The following DIAPH1 variants were observed in gnomAD, a reference collection of about 807,000 sequenced individuals.
DIAPH1 encodes the protein protein diaphanous homolog 1.
Under a neutral mutation model 140.7 loss-of-function variants are expected in DIAPH1, and 46 were observed. The observed-to-expected ratio is 0.33, with a 90% CI of 0.26 to 0.42. The LOEUF (loss-of-function observed/expected upper bound fraction) is 0.42. Ranked by LOEUF, DIAPH1 falls within the 10% of genes least tolerant of loss-of-function variation. The probability of loss-of-function intolerance (pLI) is 1.00; values close to 1 mark genes in which losing one functional copy is unlikely to be tolerated. For synonymous variants in DIAPH1, 565 were observed against 551.6 expected, an observed-to-expected ratio of 1.02 and a Z score of -0.34; for missense variants, 1,310 against 1,558.7, an observed-to-expected ratio of 0.84 and a Z score of 2.69.
At chr5:141,549,214 G>T (rs889795121) in intron 18 of DIAPH1, among the ~76,000 whole-genome samples, 61 of 152,206 alleles carry the variant, frequency 4.0e-4, no homozygotes, top group African/African-American at 1.4e-3. Context: ...GGAAGAAGAT[G>T]TACTAATCAA....
At chr5:141,546,276 G>T (rs977873245) in intron 18 of DIAPH1, among the ~76,000 whole-genome samples, 2 of 151,850 alleles carry the variant, frequency 1.3e-5, no homozygotes, top group Non-Finnish European at 2.9e-5. Context: ...CAGCTACTCG[G>T]GAGGCTGAGG....
At chr5:141,592,007 G>A (rs1596397156) in intron 1 of DIAPH1, among the ~76,000 whole-genome samples, 2 of 150,184 alleles carry the variant, frequency 1.3e-5, no homozygotes, top group South Asian at 4.2e-4. Context: ...ACTTGAACCC[G>A]GGAGGCGGAG....
chr5:141,537,982 C>T (rs2099889318), intron 18 of DIAPH1, among the ~76,000 whole-genome samples: 1 of 152,020 alleles, frequency 6.6e-6, no homozygotes, highest in Non-Finnish European at 1.5e-5. Flanking sequence ...TCCTCAACCT[C>T]CTGAGCTCAA....
In DIAPH1 at chr5:141,529,190, T is replaced by G; in HGVS notation, c.2760A>C (p.Ser920=). 6.2e-7 allele frequency: 1 copy of G among 1,614,224 alleles called. No homozygotes were observed. The highest frequency in any genetic ancestry group is 8.5e-7 in the Non-Finnish European group (1 of 1,180,024). The change falls in exon 21 of 28, where the codon TCA becomes TCC. Residue 920 remains serine (S), a synonymous_variant. Transcript: ENST00000389054. ...CACTCACCACCACGCCAAACTGCTC[T>G]GACTCAGCCAGGTCATCATATTCAT... ...LKDEYDDLAE[S]EQFGVVMGTV...
At chr5:141,584,056 C>G (rs1178146360) in intron 4 of DIAPH1, 68 bp downstream of exon 4, 86 of 830,770 alleles carry the variant, frequency 1.0e-4, no homozygotes, top group Non-Finnish European at 9.4e-5. Flanking sequence ...ATAAAATTGG[C>G]AAAAAAAAAA....
intron 18 of DIAPH1, chr5:141,535,949 A>G (rs1458101688): frequency 1.1e-5 from 5 of 458,276 alleles, no homozygotes; most frequent in African/African-American, 1.0e-4. Context: ...CCTGGTACAA[A>G]TAAACAAGAA....
At chr5:141,524,006 A>T (rs1384576953) in intron 27 of DIAPH1, 137 bp downstream of exon 27, 4 of 798,124 alleles carry the variant, frequency 5.0e-6, no homozygotes, top group Non-Finnish European at 8.9e-6. Context: ...GAAGAAGAGG[A>T]CTAGATAATC....
intron 18 of DIAPH1, among the ~76,000 whole-genome samples, chr5:141,570,405 T>A (rs1201881992): frequency 2.0e-5 from 3 of 152,152 alleles, no homozygotes; most frequent in Admixed American, 1.3e-4. Flanking sequence ...GACTTTGGCA[T>A]GGAAGGTGAC....
chr5:141,615,556 A>G (rs970574946), intron 1 of DIAPH1, among the ~76,000 whole-genome samples: 4 of 151,952 alleles, frequency 2.6e-5, no homozygotes, highest in Non-Finnish European at 5.9e-5. Context: ...CCTGGCTAAC[A>G]CGGTGAAACC....
At chr5:141,597,488 C>T (rs192833366) in intron 1 of DIAPH1, among the ~76,000 whole-genome samples, 5 of 152,174 alleles carry the variant, frequency 3.3e-5, no homozygotes, top group Admixed American at 2.0e-4. Flanking sequence ...TCCCATATAC[C>T]GCAGGAAGCT....
In DIAPH1 at chr5:141,576,648, C is replaced by T. The variant is rs1322361695; in HGVS notation, c.1396+108G>A. ...GACCTAAGAAAGGACAAAAATAGAA[C>T]TATCTGGGGACTGGAAAGGTATCTT... On this transcript the variant is annotated intron_variant, in intron 13 of 27. Coordinates refer to ENST00000389054, the MANE Select transcript of DIAPH1 (RefSeq NM_005219.5). 4.9e-6 allele frequency: 4 copies of T among 815,486 alleles called. No individual in the cohort carries two copies. The African/African-American group carries it at 6.7e-5, about 14-fold the overall frequency. 50.5% of individuals were successfully genotyped at this position (815,486 alleles called of 1,614,324 possible).
intron 26 of DIAPH1, chr5:141,524,512 C>T: frequency 4.2e-6 from 2 of 473,224 alleles, no homozygotes; most frequent in Non-Finnish European, 7.8e-6. Flanking sequence ...TCAGGACTAG[C>T]AACAAAATTA....
intron 5 of DIAPH1, 23 bp downstream of exon 5, chr5:141,583,462 T>C: frequency 6.2e-7 from 1 of 1,614,220 alleles, no homozygotes; most frequent in Non-Finnish European, 8.5e-7. Context: ...CTCCTACTCC[T>C]GTTACCTCCT....
chr5:141,546,384 G>A (rs758276807), intron 18 of DIAPH1, among the ~76,000 whole-genome samples: 6 of 152,082 alleles, frequency 3.9e-5, no homozygotes, highest in Admixed American at 2.6e-4. Flanking sequence ...CCAGCCAGGC[G>A]TGGTGGCTCA....
chr5:141,570,373 G>T (rs1279415987), intron 18 of DIAPH1, among the ~76,000 whole-genome samples: 1 of 152,154 alleles, frequency 6.6e-6, no homozygotes, highest in Admixed American at 6.5e-5. Flanking sequence ...AATTAAGAGA[G>T]TGGAATTAAT....
chr5:141,610,892 T>A (rs1460559492), intron 1 of DIAPH1, among the ~76,000 whole-genome samples: 1 of 147,056 alleles, frequency 6.8e-6, no homozygotes, highest in Non-Finnish European at 1.5e-5. Flanking sequence ...CTGGGCAACA[T>A]AGTGAAACCC....
intron 21 of DIAPH1, 91 bp downstream of exon 21, chr5:141,529,081 A>G (rs1306358281): frequency 2.6e-6 from 4 of 1,557,120 alleles, no homozygotes; most frequent in Non-Finnish European, 3.5e-6. Flanking sequence ...AAAAACAGAC[A>G]AGCGGCAAGG....
intron 1 of DIAPH1, among the ~76,000 whole-genome samples, chr5:141,599,897 TTG>T (rs907138913): frequency 6.6e-5 from 10 of 152,134 alleles, no homozygotes; most frequent in African/African-American, 1.9e-4. Context: ...GTTTTTTTGT[TTG>T]TTTGTTTGTT....
intron 1 of DIAPH1, among the ~76,000 whole-genome samples, chr5:141,592,472 T>C (rs2099898648): frequency 6.8e-6 from 1 of 146,294 alleles, no homozygotes; most frequent in East Asian, 1.9e-4. Context: ...AATAAGTTCC[T>C]AGATCATGAC....
Sources: gnomAD v4.1 joint callset for allele counts (sites outside exome capture counted in the v4.1 genomes callset) on GRCh38, gnomAD v4.1.1 for gene constraint, MANE v1.5 for transcripts, NCBI Gene and HGNC (gene_info 2026-07-23, HGNC 2026-07-21) for gene names.